Variants in DCC observed in about 807,000 individuals in gnomAD.
The protein encoded by DCC is netrin receptor DCC.
DCC carries 58 observed loss-of-function variants against 172.5 expected under a neutral mutation model. The ratio of observed to expected loss-of-function variants is 0.34; its 90% CI spans 0.27 to 0.42. The LOEUF (loss-of-function observed/expected upper bound fraction) is 0.42, where lower values mean the gene tolerates loss of function less well. DCC is among the 10% of genes least tolerant of loss of function. The pLI is 1.00. For missense variants in DCC, 1,740 were observed against 1,791.0 expected (o/e 0.97, Z 0.51); for synonymous variants, 709 against 644.5 (o/e 1.10, Z -1.52).
rs557038653 is a variant in DCC, at chr18:52,611,945, A to G, written c.92-140109A>G. On this transcript the variant is annotated intron_variant, in intron 1 of 28. Transcript: ENST00000442544. ...ACAAAAACTTTGGCATGAAGTAGACAATAAACTAGAGGAGAAAACAGAGAT... is the reference window on the plus strand; with the variant it reads ...ACAAAAACTTTGGCATGAAGTAGACGATAAACTAGAGGAGAAAACAGAGAT... 2.0e-5 allele frequency among the ~76,000 whole-genome samples: 3 copies of G among 152,334 alleles called. No individual in the cohort carries two copies. In the South Asian group the frequency reaches 6.2e-4, roughly 32 times the overall value.
intron 16 of DCC, among the ~76,000 whole-genome samples, chr18:53,389,500 A>G (rs1390607287): frequency 6.6e-6 from 1 of 152,224 alleles, no homozygotes; most frequent in Non-Finnish European, 1.5e-5. Context: ...CTAGTGCTAC[A>G]CAGGAAGTGA....
At chr18:52,899,476 C>G (rs1006425046) in intron 2 of DCC, among the ~76,000 whole-genome samples, 10 of 151,094 alleles carry the variant, frequency 6.6e-5, no homozygotes, top group African/African-American at 2.2e-4. Context: ...GCCTCAGCCT[C>G]CCAAGTAGCT....
At chr18:53,496,870 GA>G (rs1189393411) in intron 26 of DCC, among the ~76,000 whole-genome samples, 3 of 152,176 alleles carry the variant, frequency 2.0e-5, no homozygotes, top group African/African-American at 7.2e-5. Context: ...TCAAGTGGTT[GA>G]AAGTATAATG....
At chr18:52,422,719 A>G (rs937150044) in intron 1 of DCC, among the ~76,000 whole-genome samples, 3 of 152,210 alleles carry the variant, frequency 2.0e-5, no homozygotes, top group Admixed American at 1.3e-4. Flanking sequence ...AATAGCTAGG[A>G]GTCATGTAGA....
chr18:52,351,031 A>G (rs1984097338), intron 1 of DCC, among the ~76,000 whole-genome samples: 2 of 152,224 alleles, frequency 1.3e-5, no homozygotes, highest in African/African-American at 2.4e-5. Context: ...GGCTTTAAAG[A>G]AAGAAAATAC....
chr18:52,878,031 C>T (rs1394661638), intron 2 of DCC, among the ~76,000 whole-genome samples: 1 of 151,964 alleles, frequency 6.6e-6, no homozygotes, highest in Non-Finnish European at 1.5e-5. Context: ...CTCTCTTCCC[C>T]AGCATTCATG....
intron 1 of DCC, among the ~76,000 whole-genome samples, chr18:52,405,612 A>C (rs2144388443): frequency 6.6e-6 from 1 of 151,248 alleles, no homozygotes; most frequent in East Asian, 2.0e-4. Flanking sequence ...TCCAACTTAC[A>C]AGGGATGTGA....
chr18:52,428,798 G>C lies in DCC; in HGVS notation c.91+87920G>C, dbSNP rs1439729377. The stretch of plus-strand genomic sequence containing the variant: ...CCCTTGCTCTTCAATCAGCAGGTAT[G>C]TTATTAATCCAACTGTATTTTCTCT... On this transcript the variant is annotated intron_variant, in intron 1 of 28. Coordinates refer to ENST00000442544, the MANE Select transcript of DCC (RefSeq NM_005215.4). 3.3e-5 allele frequency among the ~76,000 whole-genome samples: 5 copies of C among 152,152 alleles called. No homozygotes were observed. In the East Asian group the frequency reaches 7.7e-4, roughly 24 times the overall value.
intron 1 of DCC, among the ~76,000 whole-genome samples, chr18:52,465,375 C>T (rs1347686516): frequency 1.3e-5 from 2 of 152,006 alleles, no homozygotes; most frequent in African/African-American, 2.4e-5. Flanking sequence ...TTTTTCTCCC[C>T]GTTTCTCTTG....
intron 1 of DCC, among the ~76,000 whole-genome samples, chr18:52,458,073 C>T (rs950788685): frequency 2.0e-5 from 3 of 152,156 alleles, no homozygotes; most frequent in Non-Finnish European, 4.4e-5. Flanking sequence ...CTGAGACAAG[C>T]CCAGCACTGG....
intron 1 of DCC, among the ~76,000 whole-genome samples, chr18:52,631,921 A>C (rs1427375475): frequency 6.6e-6 from 1 of 152,146 alleles, no homozygotes; most frequent in African/African-American, 2.4e-5. Flanking sequence ...GTAAAGAAAA[A>C]CAGCCTCTGC....
chr18:52,549,528 C>T (rs923043721), intron 1 of DCC, among the ~76,000 whole-genome samples: 3 of 152,098 alleles, frequency 2.0e-5, no homozygotes, highest in African/African-American at 4.8e-5. Flanking sequence ...TTGTCCTCCA[C>T]ACGGTGAACC....
intron 1 of DCC, among the ~76,000 whole-genome samples, chr18:52,457,648 T>C (rs1005328352): frequency 1.4e-4 from 21 of 152,312 alleles, no homozygotes; most frequent in Admixed American, 6.5e-5. Context: ...GAATTAAGTA[T>C]ATGCTTAAGA....
At chr18:53,248,914 G>A (rs2056396892) in intron 12 of DCC, among the ~76,000 whole-genome samples, 1 of 151,906 alleles carries the variant, frequency 6.6e-6, no homozygotes, top group South Asian at 2.1e-4. Context: ...TATTTTAGGG[G>A]GAATTTTTGT....
At chr18:52,695,567 C>T (rs1014134341) in intron 1 of DCC, among the ~76,000 whole-genome samples, 1 of 152,158 alleles carries the variant, frequency 6.6e-6, no homozygotes, top group Non-Finnish European at 1.5e-5. Flanking sequence ...GTTCATAAAT[C>T]AGCAACATTC....
intron 25 of DCC, among the ~76,000 whole-genome samples, chr18:53,479,464 AGCTC>A (rs1281294839): frequency 6.6e-6 from 1 of 152,202 alleles, no homozygotes; most frequent in African/African-American, 2.4e-5. Flanking sequence ...GTTTCTTGGT[AGCTC>A]TATAAGCAAA....
At chr18:52,762,086 T>TG (rs2037171024) in intron 2 of DCC, among the ~76,000 whole-genome samples, 1 of 152,194 alleles carries the variant, frequency 6.6e-6, no homozygotes, top group Non-Finnish European at 1.5e-5. Context: ...TTCTAATTTC[T>TG]GGAGGGCAGT....
intron 2 of DCC, among the ~76,000 whole-genome samples, chr18:52,872,832 G>C (rs1482971196): frequency 6.6e-6 from 1 of 152,058 alleles, no homozygotes; most frequent in Non-Finnish European, 1.5e-5. Context: ...ACTTGTAAGA[G>C]CTCAGTGATG....
intron 8 of DCC, among the ~76,000 whole-genome samples, chr18:53,168,920 T>C (rs892271541): frequency 1.3e-5 from 2 of 152,098 alleles, no homozygotes; most frequent in Non-Finnish European, 2.9e-5. Flanking sequence ...GTTGTGGGCA[T>C]GGAGTTGACA....
Sources: gnomAD v4.1 joint callset for allele counts (sites outside exome capture counted in the v4.1 genomes callset) on GRCh38, gnomAD v4.1.1 for gene constraint, MANE v1.5 for transcripts, NCBI Gene and HGNC (gene_info 2026-07-23, HGNC 2026-07-21) for gene names.